The following NARS2 variants were observed in gnomAD, a reference collection of about 807,000 sequenced individuals.
The protein encoded by NARS2 is asparaginyl-tRNA synthetase 2, mitochondrial.
A neutral mutation model predicts 62.9 loss-of-function variants in NARS2; 60 were observed. The observed-to-expected ratio is 0.95, with a 90% CI of 0.77 to 1.18. The LOEUF (loss-of-function observed/expected upper bound fraction) is 1.18, where lower values mean the gene tolerates loss of function less well. NARS2 is among the 50% of genes most tolerant of loss of function. The pLI, the probability that NARS2 is intolerant of heterozygous loss-of-function variation, is 0.00. For missense variants in NARS2, 619 were observed against 576.4 expected (o/e 1.07, Z -0.76); for synonymous variants, 196 against 200.0 (o/e 0.98, Z 0.17).
chr11:78,570,562 AT>A (rs1347364718), intron 2 of NARS2, among the ~76,000 whole-genome samples: 1 of 152,164 alleles, frequency 6.6e-6, no homozygotes, highest in African/African-American at 2.4e-5. Flanking sequence ...TCATTTTTAT[AT>A]TTTTGGTAGA....
chr11:78,506,616 C>CA (rs1860508525), intron 6 of NARS2, among the ~76,000 whole-genome samples: 1 of 152,206 alleles, frequency 6.6e-6, no homozygotes, highest in Admixed American at 6.5e-5. Context: ...CTCACTGCTA[C>CA]ATTCACCTCC....
chr11:78,562,489 TAC>T (rs1431736900), intron 4 of NARS2, among the ~76,000 whole-genome samples: 1 of 152,044 alleles, frequency 6.6e-6, no homozygotes, highest in Non-Finnish European at 1.5e-5. Context: ...AACGCTGCCA[TAC>T]AGAGAAGAAC....
At chr11:78,484,611 C>T (rs1859495891) in intron 7 of NARS2, among the ~76,000 whole-genome samples, 1 of 152,018 alleles carries the variant, frequency 6.6e-6, no homozygotes, top group Admixed American at 6.6e-5. Flanking sequence ...AAAATTTATG[C>T]AGCCAACAAA....
intron 6 of NARS2, among the ~76,000 whole-genome samples, chr11:78,503,222 C>T (rs1205358676): frequency 6.6e-6 from 1 of 152,096 alleles, no homozygotes. Flanking sequence ...CAAGTGTGCA[C>T]TCTTAAAAAG....
Position 78,566,207 on chromosome 11 carries a change from C to A in NARS2, c.438G>T (p.Arg146Ser). 1 of 1,612,544 alleles carries A rather than the reference C, an allele frequency of 6.2e-7. No homozygotes were observed. Residue 146 changes from arginine to serine, a missense_variant, in exon 4 of 14, where the codon AGG becomes AGT. Arg to Ser is a moderately radical substitution (Grantham distance 110, BLOSUM62 -1). Coordinates refer to ENST00000281038, the MANE Select transcript of NARS2 (RefSeq NM_024678.6). The part of the protein sequence containing the change: ...LEYLRQYPHF[R>S]CRTNVLGSIL... ...TAGAACCCAGAACGTTAGTCCTACA[C>A]CTAAAGTGAGGATATTGTCGCAGAT...
At chr11:78,481,062 C>A (rs1350800100) in intron 7 of NARS2, among the ~76,000 whole-genome samples, 3 of 152,226 alleles carry the variant, frequency 2.0e-5, no homozygotes, top group African/African-American at 4.8e-5. Context: ...CTCAAGTGAT[C>A]CACCTGCCTC....
intron 11 of NARS2, among the ~76,000 whole-genome samples, chr11:78,457,480 A>G (rs1298533042): frequency 6.6e-6 from 1 of 152,260 alleles, no homozygotes; most frequent in East Asian, 1.9e-4. Flanking sequence ...AATGAGGGAT[A>G]GAAGCAGGCA....
chr11:78,573,519 G>C (rs1350882590), intron 1 of NARS2: 2 of 152,268 alleles, frequency 1.3e-5, no homozygotes, highest in Non-Finnish European at 2.9e-5. Flanking sequence ...CTGGGTGACA[G>C]AGCTAGACCC....
intron 9 of NARS2, among the ~76,000 whole-genome samples, chr11:78,473,333 A>C (rs1221011843): frequency 6.6e-6 from 1 of 152,212 alleles, no homozygotes; most frequent in East Asian, 1.9e-4. Context: ...TGAAGATACT[A>C]TTTTATCAAT....
At chr11:78,510,864 T>A (rs569602539) in intron 6 of NARS2, among the ~76,000 whole-genome samples, 2 of 152,230 alleles carry the variant, frequency 1.3e-5, no homozygotes, top group African/African-American at 4.8e-5. Flanking sequence ...ACTGGATAAA[T>A]CTCAAAAGCA....
At chr11:78,546,046 T>C (rs2135476927) in intron 5 of NARS2, among the ~76,000 whole-genome samples, 1 of 152,336 alleles carries the variant, frequency 6.6e-6, no homozygotes, top group Non-Finnish European at 1.5e-5. Flanking sequence ...CACAAGTCTA[T>C]GGGTTGCCTG....
At chr11:78,443,251 C>G (rs193004126) in intron 12 of NARS2, among the ~76,000 whole-genome samples, 1 of 149,616 alleles carries the variant, frequency 6.7e-6, no homozygotes, top group Middle Eastern at 3.4e-3. Flanking sequence ...GCGTGAACCC[C>G]GGGAGGCAGA....
intron 6 of NARS2, among the ~76,000 whole-genome samples, chr11:78,510,654 T>C (rs1238528050): frequency 6.6e-6 from 1 of 150,630 alleles, no homozygotes; most frequent in East Asian, 1.9e-4. Flanking sequence ...CATATGTGCA[T>C]GTGTTATTTA....
intron 2 of NARS2, among the ~76,000 whole-genome samples, chr11:78,569,777 T>G (rs7124803): frequency 0.67 from 101,213 of 152,044 alleles, 35,272 homozygotes; most frequent in Non-Finnish European, 0.79. Flanking sequence ...TAAGGTTTCC[T>G]GGGAATATCT....
intron 1 of NARS2, among the ~76,000 whole-genome samples, chr11:78,572,874 G>T (rs1430005205): frequency 6.6e-6 from 1 of 152,022 alleles, no homozygotes; most frequent in Admixed American, 6.6e-5. Flanking sequence ...CTTCAAAATT[G>T]GTATGTATTT....
intron 5 of NARS2, among the ~76,000 whole-genome samples, chr11:78,535,577 TTTTG>T (rs1358762946): frequency 6.6e-6 from 1 of 152,186 alleles, no homozygotes; most frequent in Non-Finnish European, 1.5e-5. Flanking sequence ...TTTTTAATTA[TTTTG>T]TTTGCTTTTA....
At chr11:78,462,179 T>A (rs1018987762) in intron 11 of NARS2, among the ~76,000 whole-genome samples, 2 of 152,018 alleles carry the variant, frequency 1.3e-5, no homozygotes, top group Non-Finnish European at 2.9e-5. Flanking sequence ...ATGAGAAAAA[T>A]ACATGGTGTG....
At chr11:78,491,944 G>C (rs1445231398) in intron 7 of NARS2, among the ~76,000 whole-genome samples, 3 of 152,064 alleles carry the variant, frequency 2.0e-5, no homozygotes, top group African/African-American at 7.2e-5. Flanking sequence ...AAGGAGAGTT[G>C]ATGAAAATCA....
At chr11:78,493,608 T>C (rs995025904) in intron 6 of NARS2, among the ~76,000 whole-genome samples, 4 of 151,640 alleles carry the variant, frequency 2.6e-5, no homozygotes, top group African/African-American at 9.7e-5. Context: ...CAGTGAGCCA[T>C]GTTCATGCCA....
Sources: allele counts gnomAD v4.1 joint callset (sites outside exome capture counted in the v4.1 genomes callset), GRCh38; gene constraint gnomAD v4.1.1; transcripts MANE v1.5; gene names NCBI Gene and HGNC (gene_info 2026-07-23, HGNC 2026-07-21).